Variants in FLII observed in about 807,000 individuals in gnomAD.
FLII encodes the protein protein flightless-1 homolog.
In FLII, 101 loss-of-function variants were observed where a neutral mutation model predicts 156.2. The ratio of observed to expected loss-of-function variants is 0.65; its 90% CI spans 0.55 to 0.76. FLII has a LOEUF of 0.76. Ranked by LOEUF, FLII falls within the 30% of genes least tolerant of loss-of-function variation. The pLI, the probability that FLII is intolerant of heterozygous loss-of-function variation, is 0.00. For synonymous variants in FLII, 767 were observed against 685.8 expected (o/e 1.12, Z -1.85); for missense variants, 1,675 against 1,682.8 (o/e 1.00, Z 0.08).
Position 18,247,202 on chromosome 17 carries a change from G to A in FLII, c.2643C>T (p.Phe881=), listed in dbSNP as rs2048103060. 1 of 1,585,650 alleles carries A rather than the reference G, an allele frequency of 6.3e-7. No homozygotes were observed. The highest frequency in any genetic ancestry group is 8.5e-7 in the Non-Finnish European group (1 of 1,175,056). ...GCGACATGGGCGGCTGCCGCGGCAG[G>A]AAAAGCGCAGTGAGGTCAGCCTTCA... ...DQMKADLTAL[F]LPRQPPMSLA... Residue 881 remains phenylalanine (F), a synonymous_variant, in exon 21 of 30, where the codon TTC becomes TTT. Coordinates refer to ENST00000327031, the MANE Select transcript of FLII (RefSeq NM_002018.4).
At position 18,246,806 on chromosome 17, in the gene FLII, C is replaced by G. The variant is rs750070579; in HGVS notation, c.2839G>C (p.Glu947Gln). 2.1e-5 allele frequency: 34 copies of G among 1,614,078 alleles called. No homozygotes were observed. Among genetic ancestry groups the G allele is most frequent in the Non-Finnish European group, 2.6e-5 (31 of 1,179,988 alleles). ...TTGTCTTCCTTCTTTTCCTCCTCCT[C>G]GTACTCCACAGGCACCCAGTACCTG... The part of the protein sequence containing the change: ...LCRYWVPVEY[E>Q]EEEKKEDKEE... The change falls in exon 23 of 30, where the codon GAG becomes CAG. Residue 947 changes from glutamate (E) to glutamine (Q), a missense_variant. By Grantham distance (29) the Glu-to-Gln change is conservative. Around this residue, in one of 2 missense-constraint regions of FLII, gnomAD observed 1,332 missense variants for 1,269.3 expected, o/e 1.05. Coordinates refer to ENST00000327031, the MANE Select transcript of FLII (RefSeq NM_002018.4).
At chr17:18,255,091 A>G in intron 4 of FLII, 92 bp downstream of exon 4, 1 of 1,110,894 alleles carries the variant, frequency 9.0e-7, no homozygotes, top group Non-Finnish European at 1.4e-6. Flanking sequence ...CATCTGCAAA[A>G]TGGGATAACA....
rs1277453597 is a variant in FLII, at chr17:18,246,937, T to C, written c.2792A>G (p.Gln931Arg). The C allele has an allele frequency of 1.9e-6, 3 of 1,614,196 alleles. No individual in the cohort carries two copies. The highest frequency in any genetic ancestry group is 4.5e-5 in the East Asian group (2 of 44,870). The change falls in exon 22 of 30, where the codon CAG becomes CGG. Residue 931 changes from glutamine (Q) to arginine (R), a missense_variant. Gln to Arg is a conservative substitution (Grantham distance 43). Around this residue, in one of 2 missense-constraint regions of FLII, gnomAD observed 1,332 missense variants for 1,269.3 expected, o/e 1.05. Coordinates refer to ENST00000327031, the MANE Select transcript of FLII (RefSeq NM_002018.4). The part of the protein sequence containing the change: ...PEEEFGHFYT[Q>R]DCYVFLCRYW... ...CCTGCAGAGGAAGACGTAGCAGTCC[T>C]GCGTGTAGAAGTGGCCAAACTCCTC...
At chr17:18,256,815 TC>T (rs1158266747) in intron 2 of FLII, 93 bp downstream of exon 2, 15 of 877,218 alleles carry the variant, frequency 1.7e-5, no homozygotes, top group Non-Finnish European at 9.1e-6. Context: ...CTGTCGGTGT[TC>T]CTCTCTCTGG....
At chr17:18,247,081 C>T (rs765782249) in intron 21 of FLII, 29 bp from the exon 22 acceptor site, 21 of 1,604,520 alleles carry the variant, frequency 1.3e-5, no homozygotes, top group South Asian at 9.9e-5. Context: ...CGCCCCGCGG[C>T]AGGTCTGAGC....
intron 6 of FLII, 94 bp from the exon 7 acceptor site, chr17:18,254,276 G>A (rs1461877471): frequency 1.9e-6 from 2 of 1,029,910 alleles, no homozygotes; most frequent in Non-Finnish European, 2.8e-6. Context: ...ACAGGGCCCA[G>A]AGGGTAGGTG....
intron 29 of FLII, 23 bp downstream of exon 29, chr17:18,245,331 G>T (rs569997820): frequency 5.6e-6 from 9 of 1,614,090 alleles, no homozygotes; most frequent in Admixed American, 1.7e-5. Context: ...GGCCCACCTC[G>T]GCCCTCCCTC....
chr17:18,253,889 T>C, intron 7 of FLII, 170 bp from the exon 8 acceptor site: 1 of 801,180 alleles, frequency 1.2e-6, no homozygotes, highest in Non-Finnish European at 1.9e-6. Flanking sequence ...ACATGGGGGT[T>C]GCGGGGGAGT....
chr17:18,253,872 C>G, intron 7 of FLII, 153 bp from the exon 8 acceptor site: 1 of 868,292 alleles, frequency 1.2e-6, no homozygotes, highest in Non-Finnish European at 1.7e-6. Flanking sequence ...TTTGGACAAA[C>G]TCCCTCACAT....
rs2048036700 is a variant in FLII at position 18,246,038 on chromosome 17, GGTT to G, written c.3289_3291del (p.Asn1097del). The G allele has an allele frequency of 1.9e-6, 3 of 1,614,158 alleles. No individual in the cohort carries two copies. The South Asian group carries it at 3.3e-5, about 18-fold the overall frequency. ...CCCACCCAGGCATACACGATGCCCTGGTTGTCCTCACTCTCAAAGGGAACCTGG... is the reference window on the plus strand; with the variant it reads ...CCCACCCAGGCATACACGATGCCCTGGTCCTCACTCTCAAAGGGAACCTGG... On this transcript the variant is annotated inframe_deletion, in exon 26 of 30. Coordinates refer to ENST00000327031, the MANE Select transcript of FLII (RefSeq NM_002018.4).
intron 9 of FLII, 141 bp downstream of exon 9, chr17:18,253,160 A>G (rs957235373): frequency 4.6e-6 from 4 of 866,688 alleles, no homozygotes; most frequent in Non-Finnish European, 7.0e-6. Context: ...AAAAACAAAA[A>G]AGAAAAGAAA....
intron 14 of FLII, among the ~76,000 whole-genome samples, chr17:18,250,343 C>T (rs1021740850): frequency 1.3e-5 from 2 of 152,112 alleles, no homozygotes; most frequent in African/African-American, 4.8e-5. Flanking sequence ...ATAAACTCCA[C>T]GTGTGTGTAC....
At position 18,251,340 on chromosome 17, in the gene FLII, C is replaced by T. The variant is rs1597912234; in HGVS notation, c.1521G>A (p.Glu507=). 6.2e-7 allele frequency: 1 copy of T among 1,613,916 alleles called. No individual in the cohort carries two copies. The highest frequency in any genetic ancestry group is 8.5e-7 in the Non-Finnish European group (1 of 1,180,038). The change falls in exon 13 of 30, where the codon GAG becomes GAA. Residue 507 remains glutamate (E), a synonymous_variant. Transcript: ENST00000327031. Reference sequence around the variant, plus strand: ...CCTCCACCAGCACAGGCACGAAGTTCTCTATCTGCCAGATGGTCAGTCCGG... The same window carrying T: ...CCTCCACCAGCACAGGCACGAAGTTTTCTATCTGCCAGATGGTCAGTCCGG... ...QLPGLTIWQI[E]NFVPVLVEEA... is the part of the protein sequence containing the mutation.
At chr17:18,249,057 C>T in intron 16 of FLII, 70 bp downstream of exon 16, 3 of 1,479,660 alleles carry the variant, frequency 2.0e-6, no homozygotes, top group Non-Finnish European at 1.9e-6. Context: ...CTAAGAGGCC[C>T]ACACCTGCCC....
Position 18,251,381 on chromosome 17 carries a change from C to T in FLII, c.1480G>A (p.Asp494Asn), listed in dbSNP as rs762722776. 13 of 1,613,568 alleles carry T rather than the reference C, an allele frequency of 8.1e-6. No homozygotes were observed. The South Asian group carries it at 9.9e-5, about 12-fold the overall frequency. The change falls in exon 13 of 30, where the codon GAC (aspartate) becomes AAC (asparagine). Residue 494 changes from aspartate to asparagine, a missense_variant. Around this residue, in one of 2 missense-constraint regions of FLII, gnomAD observed 1,332 missense variants for 1,269.3 expected, o/e 1.05. Coordinates refer to ENST00000327031, the MANE Select transcript of FLII (RefSeq NM_002018.4). ...GTCAGTCCGGGCAGCTGGCCCACGTCCTCCGTGAAGAACTCGGAGTAGTCA... is the reference window on the plus strand; with the variant it reads ...GTCAGTCCGGGCAGCTGGCCCACGTTCTCCGTGAAGAACTCGGAGTAGTCA... ...RLDYSEFFTEDVGQLPGLTIW... is the reference protein window; with the variant it reads ...RLDYSEFFTENVGQLPGLTIW...
In FLII at chr17:18,246,948, G is replaced by A. The variant is rs1346381245; in HGVS notation, c.2781C>T (p.His927=). The stretch of plus-strand genomic sequence containing the variant: ...AGACGTAGCAGTCCTGCGTGTAGAA[G>A]TGGCCAAACTCCTCTTCCGGCAGCC... ...FARLPEEEFG[H]FYTQDCYVFL... The change falls in exon 22 of 30, where the codon CAC becomes CAT. Residue 927 remains histidine (H), a synonymous_variant. Coordinates refer to ENST00000327031, the MANE Select transcript of FLII (RefSeq NM_002018.4). 1 of 1,614,108 alleles carries A rather than the reference G, an allele frequency of 6.2e-7. No individual in the cohort carries two copies.
At chr17:18,251,643 A>G in intron 12 of FLII, 37 bp downstream of exon 12, 1 of 1,613,064 alleles carries the variant, frequency 6.2e-7, no homozygotes, top group Non-Finnish European at 8.5e-7. Flanking sequence ...GCAGAAGCTA[A>G]GGCTCCCTGC....
chr17:18,256,647 G>C (rs2048427146), intron 2 of FLII, 50 bp from the exon 3 acceptor site: 1 of 1,484,762 alleles, frequency 6.7e-7, no homozygotes, highest in South Asian at 1.2e-5. Flanking sequence ...GGGGTGTCCA[G>C]AGTCCCTGCC....
chr17:18,254,948 TG>T (rs1413769204), intron 4 of FLII, 94 bp from the exon 5 acceptor site: 14 of 1,271,368 alleles, frequency 1.1e-5, no homozygotes, highest in Non-Finnish European at 1.4e-5. Context: ...GAGTTGGGTG[TG>T]GGGGTAGATG....
Sources: gnomAD v4.1 joint callset for allele counts (sites outside exome capture counted in the v4.1 genomes callset) on GRCh38, gnomAD v4.1.1 for gene constraint, gnomAD v4.1.1 regional missense constraint, MANE v1.5 for transcripts, NCBI Gene and HGNC (gene_info 2026-07-23, HGNC 2026-07-21) for gene names.